Variants in SEMA3G observed in about 807,000 individuals in gnomAD.
SEMA3G encodes semaphorin 3G, also known as semaphorin-3G.
A neutral mutation model predicts 86.2 loss-of-function variants in SEMA3G; 70 were observed. That is an observed-to-expected ratio of 0.81 (90% CI 0.67 to 0.99). The LOEUF (loss-of-function observed/expected upper bound fraction) is 0.99, where lower values mean the gene tolerates loss of function less well. Ranked by LOEUF, SEMA3G falls within the 50% of genes least tolerant of loss-of-function variation. The probability of loss-of-function intolerance (pLI) is 0.00; values close to 1 mark genes in which losing one functional copy is unlikely to be tolerated. For synonymous variants in SEMA3G, 416 were observed against 441.4 expected (o/e 0.94, Z 0.72); for missense variants, 1,002 against 1,072.4 (o/e 0.93, Z 0.92).
chr3:52,438,864 G>A, intron 13 of SEMA3G, 56 bp downstream of exon 13: 1 of 1,606,234 alleles, frequency 6.2e-7, no homozygotes, highest in Non-Finnish European at 8.5e-7. Flanking sequence ...CAGAGGAGGA[G>A]GCTGCGGAGC....
intron 13 of SEMA3G, chr3:52,438,502 C>T (rs1380592453): frequency 3.0e-6 from 3 of 985,326 alleles, no homozygotes; most frequent in Non-Finnish European, 3.6e-6. Flanking sequence ...CTGAGTTGTC[C>T]CTGACCTTAG....
rs1207631479 is a variant in SEMA3G, at chr3:52,435,282, C to T, written c.*321G>A. On this transcript the variant is annotated 3_prime_UTR_variant, in exon 16 of 16. Transcript: ENST00000231721. ...TGTAGGCTGGGAAAGAACCACCCAACCCTCTTGCCTCTGGGCACACCCGGA... is the reference window on the plus strand; with the variant it reads ...TGTAGGCTGGGAAAGAACCACCCAATCCTCTTGCCTCTGGGCACACCCGGA... The T allele has an allele frequency of 5.1e-6, 2 of 393,902 alleles. No individual in the cohort carries two copies. The highest frequency in any genetic ancestry group is 4.1e-5 in the African/African-American group (2 of 49,108). The allele number at this position is 393,902 out of a possible 1,614,324, so 24.4% of individuals were successfully genotyped here.
chr3:52,444,206 C>T (rs1160462362), intron 1 of SEMA3G, among the ~76,000 whole-genome samples: 1 of 152,118 alleles, frequency 6.6e-6, no homozygotes, highest in African/African-American at 2.4e-5. Context: ...CCCTTCAGCC[C>T]CACCCTCTCT....
chr3:52,439,581 C>G, intron 12 of SEMA3G, 99 bp downstream of exon 12: 2 of 945,470 alleles, frequency 2.1e-6, no homozygotes, highest in Non-Finnish European at 3.4e-6. Context: ...TCAGTAAAGA[C>G]AGGCTGGCTC....
chr3:52,440,768 C>T lies in SEMA3G; in HGVS notation c.984G>A (p.Leu328=). Residue 328 remains leucine, a synonymous_variant, in exon 9 of 16, where the codon CTG becomes CTA. Coordinates refer to ENST00000231721, the MANE Select transcript of SEMA3G (RefSeq NM_020163.3). ...GGTGTGCCCACCTGACGGTGCTGAA[C>T]AGCGCGTACACCTCGAGGCTCTTCC... ...KAGKSLEVYA[L]FSTVSAVFQG... The T allele has an allele frequency of 6.2e-7, 1 of 1,613,056 alleles. No homozygotes were observed. Among genetic ancestry groups the T allele is most frequent in the Non-Finnish European group, 8.5e-7 (1 of 1,179,942 alleles).
rs1223394604 is a variant in SEMA3G, at chr3:52,442,702, T to C, written c.276+45A>G. The C allele has an allele frequency of 6.2e-7, 1 of 1,613,370 alleles. No individual in the cohort carries two copies. The highest frequency in any genetic ancestry group is 2.2e-5 in the East Asian group (1 of 44,850). On this transcript the variant is annotated intron_variant, in intron 2 of 15. Transcript: ENST00000231721. The surrounding 1 kb of genome is among the most constrained non-coding windows in gnomAD (Gnocchi z 6.1). Reference sequence around the variant, plus strand: ...CCCCATCTGGCCTCCCATCTGGAGGTGCCCAGTTCTCAAACAGACCCTCTT... The same window carrying C: ...CCCCATCTGGCCTCCCATCTGGAGGCGCCCAGTTCTCAAACAGACCCTCTT...
intron 14 of SEMA3G, 53 bp downstream of exon 14, chr3:52,437,918 C>T: frequency 6.6e-7 from 1 of 1,508,654 alleles, no homozygotes; most frequent in Non-Finnish European, 9.1e-7. Flanking sequence ...TGGAGCCGGG[C>T]CACAGGGGTG....
Position 52,438,957 on chromosome 3 carries a change from G to T in SEMA3G, c.1472C>A (p.Pro491Gln). 1 of 1,613,522 alleles carries T rather than the reference G, an allele frequency of 6.2e-7. No homozygotes were observed. Among genetic ancestry groups the T allele is most frequent in the South Asian group, 1.1e-5 (1 of 91,028 alleles). ...GATCTCCATTTCGGTGATAGGTGTT[G>T]GCACCTGGGGAAGGAGAAGGGTCTC... is the stretch of plus-strand genomic sequence containing the variant. ...VLEELQVFKV[P>Q]TPITEMEISV... Residue 491 changes from proline to glutamine, a missense_variant, in exon 13 of 16, where the codon CCA becomes CAA. Transcript: ENST00000231721.
chr3:52,437,446 C>G, intron 15 of SEMA3G, 81 bp downstream of exon 15: 2 of 1,420,190 alleles, frequency 1.4e-6, no homozygotes, highest in Non-Finnish European at 1.9e-6. Flanking sequence ...GAACCCCTTT[C>G]TGGGGCTCAG....
rs777908996 is a variant in SEMA3G, at chr3:52,442,648, G to A, written c.277-27C>T. On this transcript the variant is annotated intron_variant, in intron 2 of 15. Coordinates refer to ENST00000231721, the MANE Select transcript of SEMA3G (RefSeq NM_020163.3). The surrounding 1 kb of genome is among the most constrained non-coding windows in gnomAD (Gnocchi z 6.1). ...TGGAACACAGCCCCGCTGACCTCAGGTCCTCCCCTGATCTCACAGGCTCAG... is the reference window on the plus strand; with the variant it reads ...TGGAACACAGCCCCGCTGACCTCAGATCCTCCCCTGATCTCACAGGCTCAG... The A allele has an allele frequency of 6.2e-7, 1 of 1,614,062 alleles. No homozygotes were observed. The highest frequency in any genetic ancestry group is 8.5e-7 in the Non-Finnish European group (1 of 1,179,980).
In SEMA3G at chr3:52,435,468, G is replaced by A. The variant is rs1312445830; in HGVS notation, c.*135C>T. 1 of 816,798 alleles carries A rather than the reference G, an allele frequency of 1.2e-6. No individual in the cohort carries two copies. The highest frequency in any genetic ancestry group is 1.7e-5 in the African/African-American group (1 of 57,982). The allele number at this position is 816,798 out of a possible 1,614,324, so 50.6% of individuals were successfully genotyped here. A position where few individuals can be genotyped will look rare whatever the true frequency, so the allele number is the denominator to read the frequency against. Reference sequence around the variant, plus strand: ...CCCTCCATTAGACCCCAGTAGCGGTGTGGGGGCAGAGACACCTGTCTCTAA... The same window carrying A: ...CCCTCCATTAGACCCCAGTAGCGGTATGGGGGCAGAGACACCTGTCTCTAA... On this transcript the variant is annotated 3_prime_UTR_variant, in exon 16 of 16. Transcript: ENST00000231721.
At position 52,435,902 on chromosome 3, in the gene SEMA3G, G is replaced by A. The variant is rs1303879298; in HGVS notation, c.2050C>T (p.Pro684Ser). 3.1e-6 allele frequency: 5 copies of A among 1,614,056 alleles called. No individual in the cohort carries two copies. The highest frequency in any genetic ancestry group is 4.2e-6 in the Non-Finnish European group (5 of 1,180,038). The change falls in exon 16 of 16, where the codon CCT becomes TCT. Residue 684 changes from proline (P) to serine (S), a missense_variant. Physicochemically the swap from Pro to Ser is moderately conservative, Grantham distance 74. Transcript: ENST00000231721. ...IVASQLDNLF[P>S]PEPKPEEPPA... ...GGCTCCTCTGGCTTTGGCTCCGGAG[G>A]GAACAGGTTGTCCAGCTGTGAGGCC...
chr3:52,437,457 G>A (rs1410172910), intron 15 of SEMA3G, 70 bp downstream of exon 15: 1 of 1,483,252 alleles, frequency 6.7e-7, no homozygotes, highest in Non-Finnish European at 9.2e-7. Context: ...TGGGGCTCAG[G>A]TCTTGGGGTT....
chr3:52,440,033 C>T lies in SEMA3G; in HGVS notation c.1209G>A (p.Glu403=), dbSNP rs1470679184. Residue 403 remains glutamate (E), a synonymous_variant, in exon 11 of 16, where the codon GAG becomes GAA. Coordinates refer to ENST00000231721, the MANE Select transcript of SEMA3G (RefSeq NM_020163.3). Reference sequence around the variant, plus strand: ...GGTGGGCTCGGGCAAACTGCAGCACCTCATCTGGGTAGTCCTTGGTGCTGC... The same window carrying T: ...GGTGGGCTCGGGCAAACTGCAGCACTTCATCTGGGTAGTCCTTGGTGCTGC... ...PFGSTKDYPD[E]VLQFARAHPL... is the part of the protein sequence containing the mutation. 5 of 1,611,546 alleles carry T rather than the reference C, an allele frequency of 3.1e-6. No homozygotes were observed. Among genetic ancestry groups the T allele is most frequent in the Non-Finnish European group, 4.2e-6 (5 of 1,178,450 alleles).
At position 52,437,562 on chromosome 3, in the gene SEMA3G, GCCAGC is replaced by G. The variant is rs1245601930; in HGVS notation, c.1838_1842del (p.Arg613ProfsTer8). The G allele has an allele frequency of 6.2e-7, 1 of 1,613,170 alleles. No homozygotes were observed. The highest frequency in any genetic ancestry group is 8.5e-7 in the Non-Finnish European group (1 of 1,179,976). ...CCCTCATCCCCTGGCCTCTGCAAGA[GCCAGC>G]GCACAGCAGCCTGGGGAGACTTGGG... On this transcript the variant is annotated frameshift_variant, in exon 15 of 16. Coordinates refer to ENST00000231721, the MANE Select transcript of SEMA3G (RefSeq NM_020163.3). LOFTEE classifies it low-confidence loss of function (END_TRUNC).
In SEMA3G at chr3:52,438,103, GGGCCAGGCA is replaced by G; in HGVS notation, c.1597_1605del (p.Cys533_Ala535del). The G allele has an allele frequency of 1.2e-6, 2 of 1,613,262 alleles. No homozygotes were observed. Among genetic ancestry groups the G allele is most frequent in the Non-Finnish European group, 1.7e-6 (2 of 1,180,020 alleles). On this transcript the variant is annotated inframe_deletion, in exon 14 of 16. Transcript: ENST00000231721. Reference sequence around the variant, plus strand: ...CCATCCCAGGCACAGTATGGGTCCCGGGCCAGGCAGCACTCTGCACAGGCAGTGCCGTAA... The same window carrying G: ...CCATCCCAGGCACAGTATGGGTCCCGGCACTCTGCACAGGCAGTGCCGTAA...
chr3:52,437,393 TA>T, intron 15 of SEMA3G, 133 bp downstream of exon 15: 1 of 976,762 alleles, frequency 1.0e-6, no homozygotes, highest in East Asian at 2.5e-5. Context: ...CCCAGGAGCC[TA>T]ATACAAACTT....
Position 52,440,302 on chromosome 3 carries a change from G to A in SEMA3G, c.1143+75C>T, listed in dbSNP as rs1706126815. The A allele has an allele frequency of 7.6e-6, 11 of 1,455,234 alleles. 1 individual carries two copies. Among genetic ancestry groups the A allele is most frequent in the Non-Finnish European group, 7.3e-6 (8 of 1,093,878 alleles). 90.1% of individuals were successfully genotyped at this position (1,455,234 alleles called of 1,614,324 possible). A position where few individuals can be genotyped will look rare whatever the true frequency, so the allele number is the denominator to read the frequency against. On this transcript the variant is annotated intron_variant, in intron 10 of 15. Transcript: ENST00000231721. ...CTGCCGTGGGGGTGCATGGGGACAT[G>A]AGGCCACTCCAAGGAGCCCTTCCCC... is the stretch of plus-strand genomic sequence containing the variant.
intron 9 of SEMA3G, 100 bp from the exon 10 acceptor site, chr3:52,440,621 G>T: frequency 1.4e-6 from 2 of 1,474,074 alleles, no homozygotes; most frequent in Non-Finnish European, 9.2e-7. Flanking sequence ...AGTGCCTGCA[G>T]CAAGCAGAGA....
Sources: allele counts gnomAD v4.1 joint callset (sites outside exome capture counted in the v4.1 genomes callset), GRCh38; gene constraint gnomAD v4.1.1; non-coding constraint Gnocchi (gnomAD v3.1); transcripts MANE v1.5; gene names NCBI Gene and HGNC (gene_info 2026-07-23, HGNC 2026-07-21).